VTI1A: variants seen among roughly 807,000 people sequenced by gnomAD.
The protein encoded by VTI1A is vesicle transport through interaction with t-SNAREs 1A.
VTI1A carries 22 observed loss-of-function variants against 34.9 expected under a neutral mutation model. The observed-to-expected ratio is 0.63, with a 90% CI of 0.45 to 0.90. The LOEUF (loss-of-function observed/expected upper bound fraction) is 0.90, where lower values mean the gene tolerates loss of function less well. Ranked by LOEUF, VTI1A falls within the 40% of genes least tolerant of loss-of-function variation. The probability of loss-of-function intolerance (pLI) is 0.00; values close to 1 mark genes in which losing one functional copy is unlikely to be tolerated. For missense variants in VTI1A, 268 were observed against 275.6 expected (o/e 0.97, Z 0.20); for synonymous variants, 87 against 97.3 (o/e 0.89, Z 0.62).
At chr10:112,738,103 T>C (rs1435587615) in intron 7 of VTI1A, among the ~76,000 whole-genome samples, 1 of 152,222 alleles carries the variant, frequency 6.6e-6, no homozygotes, top group Non-Finnish European at 1.5e-5. Context: ...GAATGGAATG[T>C]AGGAAGGGAG....
chr10:112,701,433 A>G (rs146086055), intron 7 of VTI1A, among the ~76,000 whole-genome samples: 122 of 152,296 alleles, frequency 8.0e-4, no homozygotes, highest in Non-Finnish European at 1.5e-3. Flanking sequence ...TGCTCATACA[A>G]ATATCTGGCA....
intron 4 of VTI1A, 63 bp from the exon 5 acceptor site, chr10:112,538,183 A>G: frequency 1.4e-6 from 2 of 1,459,596 alleles, no homozygotes; most frequent in Non-Finnish European, 1.9e-6. Flanking sequence ...TTTTTTTTTA[A>G]GGCAAAAAAA....
intron 7 of VTI1A, among the ~76,000 whole-genome samples, chr10:112,765,058 C>T (rs898235400): frequency 1.3e-5 from 2 of 152,176 alleles, no homozygotes; most frequent in Admixed American, 6.5e-5. Context: ...TTATAATTCC[C>T]TTTCATCTTT....
At chr10:112,488,175 T>A (rs924935498) in intron 3 of VTI1A, among the ~76,000 whole-genome samples, 1 of 152,228 alleles carries the variant, frequency 6.6e-6, no homozygotes, top group African/African-American at 2.4e-5. Context: ...TACTAAACCT[T>A]ATATTGCCTT....
chr10:112,506,443 A>G lies in VTI1A; in HGVS notation c.265-20644A>G, dbSNP rs1564805105. Among the ~76,000 whole-genome samples the G allele has an allele frequency of 2.0e-5, 3 of 152,130 alleles. No homozygotes were observed. The East Asian group carries it at 5.8e-4, about 29-fold the overall frequency. ...TCCCCCACAGATGAGACGGGCTACTATGCCATTTTGTGTTATTTTTTAGTG... is the reference window on the plus strand; with the variant it reads ...TCCCCCACAGATGAGACGGGCTACTGTGCCATTTTGTGTTATTTTTTAGTG... On this transcript the variant is annotated intron_variant, in intron 3 of 7. Transcript: ENST00000393077.
intron 7 of VTI1A, among the ~76,000 whole-genome samples, chr10:112,686,378 T>G (rs1483639286): frequency 6.6e-6 from 1 of 152,150 alleles, no homozygotes; most frequent in Non-Finnish European, 1.5e-5. Context: ...AGGGGCAGCA[T>G]TAGGATCCAT....
chr10:112,538,340 C>T lies in VTI1A; in HGVS notation c.427+10C>T. On this transcript the variant is annotated intron_variant, in intron 5 of 7. Transcript: ENST00000393077. Reference sequence around the variant, plus strand: ...ATAGCAGTGGAAACCGGTAAGAATTCTGAGAGTGAGCAAATTGTCTTGCTT... The same window carrying T: ...ATAGCAGTGGAAACCGGTAAGAATTTTGAGAGTGAGCAAATTGTCTTGCTT... 6.2e-7 allele frequency: 1 copy of T among 1,612,680 alleles called. No homozygotes were observed. The highest frequency in any genetic ancestry group is 1.7e-4 in the Middle Eastern group (1 of 6,058).
the VTI1A span, among the ~76,000 whole-genome samples, chr10:112,845,325 C>G: frequency 6.6e-6 from 1 of 152,308 alleles, no homozygotes; most frequent in Non-Finnish European, 1.5e-5. Flanking sequence ...TGGCTGAATC[C>G]TGGGGGCAGC....
chr10:112,791,928 G>C (rs919808312), intron 7 of VTI1A, among the ~76,000 whole-genome samples: 1 of 151,666 alleles, frequency 6.6e-6, no homozygotes, highest in Non-Finnish European at 1.5e-5. Context: ...TGCTGGGATT[G>C]CGTAGTTAGA....
At chr10:112,699,376 T>G (rs1848909764) in intron 7 of VTI1A, among the ~76,000 whole-genome samples, 1 of 152,230 alleles carries the variant, frequency 6.6e-6, no homozygotes, top group South Asian at 2.1e-4. Flanking sequence ...ATTTCCTGGT[T>G]TATAGATGGT....
chr10:112,811,762 C>T (rs1396142986), intron 7 of VTI1A, among the ~76,000 whole-genome samples: 2 of 144,364 alleles, frequency 1.4e-5, no homozygotes, highest in Non-Finnish European at 3.0e-5. Context: ...TTGGAGAACA[C>T]TCGTAATGCC....
chr10:112,766,766 G>C (rs1851661144), intron 7 of VTI1A, among the ~76,000 whole-genome samples: 1 of 152,182 alleles, frequency 6.6e-6, no homozygotes, highest in Non-Finnish European at 1.5e-5. Context: ...CTTTTCCTTA[G>C]TTAGCTGGGG....
intron 3 of VTI1A, among the ~76,000 whole-genome samples, chr10:112,472,049 A>G (rs921520825): frequency 5.3e-5 from 8 of 152,210 alleles, no homozygotes; most frequent in Non-Finnish European, 1.2e-4. Context: ...ATATTGTGCT[A>G]TGATGCTAGC....
intron 4 of VTI1A, 59 bp downstream of exon 4, chr10:112,527,223 G>T: frequency 3.4e-6 from 5 of 1,474,544 alleles, no homozygotes; most frequent in Non-Finnish European, 4.7e-6. Context: ...GGTCACTGGC[G>T]CACTGGGCTC....
Position 112,535,387 on chromosome 10 carries a change from T to G in VTI1A, c.343-2859T>G, listed in dbSNP as rs78647427. 2.3e-3 allele frequency among the ~76,000 whole-genome samples: 351 copies of G among 152,256 alleles called. 9 individuals carry two copies. The East Asian group carries it at 0.045, about 20-fold the overall frequency. ...TCAGTTGGGATTCTAATAGTAATCA[T>G]AGAGAGAATGTTACCCCCATGTTTC... On this transcript the variant is annotated intron_variant, in intron 4 of 7. Transcript: ENST00000393077.
intron 5 of VTI1A, among the ~76,000 whole-genome samples, chr10:112,601,232 G>C (rs1276685748): frequency 6.6e-6 from 1 of 151,866 alleles, no homozygotes; most frequent in Non-Finnish European, 1.5e-5. Flanking sequence ...CTTAAACAAA[G>C]GTACAGAGGC....
the VTI1A span, among the ~76,000 whole-genome samples, chr10:112,843,291 A>T: frequency 6.6e-6 from 1 of 152,250 alleles, no homozygotes; most frequent in Non-Finnish European, 1.5e-5. Context: ...GATGCTAAGG[A>T]CAACATTCAG....
At chr10:112,687,909 A>G (rs960675728) in intron 7 of VTI1A, among the ~76,000 whole-genome samples, 3 of 150,870 alleles carry the variant, frequency 2.0e-5, no homozygotes, top group Admixed American at 2.0e-4. Flanking sequence ...ACATGAACCA[A>G]TGGACATGAT....
chr10:112,814,151 A>T (rs1044277142), intron 7 of VTI1A, among the ~76,000 whole-genome samples: 4 of 152,160 alleles, frequency 2.6e-5, no homozygotes, highest in Admixed American at 6.5e-5. Context: ...GTGTGTGAAG[A>T]TACAAAGTAG....
Sources: allele counts gnomAD v4.1 joint callset (sites outside exome capture counted in the v4.1 genomes callset), GRCh38; gene constraint gnomAD v4.1.1; transcripts MANE v1.5; gene names NCBI Gene and HGNC (gene_info 2026-07-23, HGNC 2026-07-21).